The following CEP192 variants were observed in gnomAD, a reference collection of about 807,000 sequenced individuals.
CEP192 encodes the protein centrosomal protein 192.
In CEP192, 151 loss-of-function variants were observed where a neutral mutation model predicts 271.8. The observed-to-expected ratio is 0.56, with a 90% CI of 0.49 to 0.64. CEP192 has a LOEUF of 0.64. Among genes scored for constraint, CEP192 ranks in the 30% least tolerant of loss-of-function variants. The pLI, the probability that CEP192 is intolerant of heterozygous loss-of-function variation, is 0.00. For missense variants in CEP192, 2,910 were observed against 3,020.5 expected (o/e 0.96, Z 0.86); for synonymous variants, 995 against 1,076.5 (o/e 0.92, Z 1.48).
chr18:13,050,495 C>T (rs1300068313), intron 17 of CEP192, among the ~76,000 whole-genome samples: 1 of 152,110 alleles, frequency 6.6e-6, no homozygotes, highest in Non-Finnish European at 1.5e-5. Flanking sequence ...TTAGTTCCTT[C>T]TATGACTCCT....
chr18:13,097,248 A>G (rs111947130), intron 36 of CEP192, among the ~76,000 whole-genome samples: 13 of 152,228 alleles, frequency 8.5e-5, no homozygotes, highest in Middle Eastern at 3.4e-3. Context: ...GGGGAAGACA[A>G]TCTTGCCCTT....
At position 13,037,233 on chromosome 18, in the gene CEP192, T is replaced by G; in HGVS notation, c.1535-4T>G. ...ATGTATTTATATAAACATTCTTTTT[T>G]AAGCTGAAGCATTTGATTTGATTGC... On this transcript the variant is annotated splice_region_variant and splice_polypyrimidine_tract_variant and intron_variant, in intron 11 of 44. Coordinates refer to ENST00000506447, the MANE Select transcript of CEP192 (RefSeq NM_032142.4). The G allele has an allele frequency of 8.1e-7, 1 of 1,227,052 alleles. No homozygotes were observed. The highest frequency in any genetic ancestry group is 1.2e-6 in the Non-Finnish European group (1 of 855,228). 76.0% of individuals were successfully genotyped at this position (1,227,052 alleles called of 1,614,324 possible).
At chr18:13,019,924 T>C (rs1001881075) in intron 9 of CEP192, among the ~76,000 whole-genome samples, 1 of 152,052 alleles carries the variant, frequency 6.6e-6, no homozygotes, top group African/African-American at 2.4e-5. Context: ...GCAATTCTCC[T>C]GTCTCAGCCT....
chr18:13,078,438 G>A (rs1296935512), intron 30 of CEP192, among the ~76,000 whole-genome samples: 1 of 152,072 alleles, frequency 6.6e-6, no homozygotes, highest in Non-Finnish European at 1.5e-5. Context: ...AATCCTTTGG[G>A]TATATACCAA....
At chr18:13,046,800 A>G (rs2036505412) in intron 15 of CEP192, among the ~76,000 whole-genome samples, 1 of 145,602 alleles carries the variant, frequency 6.9e-6, no homozygotes, top group African/African-American at 2.5e-5. Context: ...TTCATCTGAG[A>G]TTAGTTTTCT....
At chr18:13,077,518 A>G (rs1199838926) in intron 30 of CEP192, among the ~76,000 whole-genome samples, 7 of 152,238 alleles carry the variant, frequency 4.6e-5, no homozygotes, top group African/African-American at 1.4e-4. Flanking sequence ...GAAAGTTTCC[A>G]GCAGGGTGAA....
intron 30 of CEP192, among the ~76,000 whole-genome samples, chr18:13,079,788 T>C (rs2038492618): frequency 6.6e-6 from 1 of 152,246 alleles, no homozygotes; most frequent in Admixed American, 6.5e-5. Context: ...TTTAAGTATT[T>C]AATCCATCTT....
At chr18:13,072,656 A>G (rs2038071346) in intron 28 of CEP192, 99 bp from the exon 29 acceptor site, 4 of 773,492 alleles carry the variant, frequency 5.2e-6, no homozygotes, top group South Asian at 1.6e-5. Flanking sequence ...TAGTTAGTCC[A>G]TCTCTAGACA....
intron 40 of CEP192, among the ~76,000 whole-genome samples, chr18:13,106,259 C>T (rs2039940370): frequency 6.6e-6 from 1 of 152,086 alleles, no homozygotes. Flanking sequence ...CCATCACCGT[C>T]TCCCACACAA....
Position 13,049,595 on chromosome 18 carries a change from G to C in CEP192, c.2804G>C (p.Arg935Thr). The stretch of plus-strand genomic sequence containing the variant: ...ATACGAGATAACAGAGAAAATCAGA[G>C]GCAAAATGAGTGTGTCAGTGAAATA... ...EEIRDNRENQ[R>T]QNECVSEISN... Residue 935 changes from arginine (R) to threonine (T), a missense_variant, in exon 16 of 45, where the codon AGG becomes ACG. Arg to Thr is a moderately conservative substitution (Grantham distance 71). Coordinates refer to ENST00000506447, the MANE Select transcript of CEP192 (RefSeq NM_032142.4). 1.2e-6 allele frequency: 2 copies of C among 1,613,816 alleles called. No homozygotes were observed. The highest frequency in any genetic ancestry group is 3.3e-5 in the Admixed American group (2 of 59,970).
chr18:13,119,756 A>G (rs2145148698), intron 44 of CEP192, among the ~76,000 whole-genome samples: 1 of 152,342 alleles, frequency 6.6e-6, no homozygotes, highest in African/African-American at 2.4e-5. Flanking sequence ...AAATAAGTAA[A>G]TAAATAAAAT....
rs373649651 is a variant in CEP192, at chr18:12,993,193, G to T, written c.-5+1756G>T. ...AGGAGGGATCAGGATGGTCCTAGGTGTCAGGCTTGTATTGCCAGTTAATAG... is the reference window on the plus strand; with the variant it reads ...AGGAGGGATCAGGATGGTCCTAGGTTTCAGGCTTGTATTGCCAGTTAATAG... On this transcript the variant is annotated intron_variant, in intron 1 of 44. Transcript: ENST00000506447. 3.1e-4 allele frequency among the ~76,000 whole-genome samples: 47 copies of T among 152,288 alleles called. 1 individual carries two copies. The South Asian group carries it at 9.5e-3, about 31-fold the overall frequency.
At position 13,056,521 on chromosome 18, in the gene CEP192, G is replaced by A. The variant is rs1394217484; in HGVS notation, c.3931G>A (p.Gly1311Arg). ...GEPVQNSVAV[G>R]ICLGSNIGSG... Reference sequence around the variant, plus strand: ...GCCTGTGCAGAACTCTGTGGCTGTGGGAATTTGTCTAGGATCAAATATCGG... The same window carrying A: ...GCCTGTGCAGAACTCTGTGGCTGTGAGAATTTGTCTAGGATCAAATATCGG... The change falls in exon 19 of 45, where the codon GGA becomes AGA. Residue 1311 changes from glycine (G) to arginine (R), a missense_variant. Gly to Arg is a moderately radical substitution (Grantham distance 125, BLOSUM62 -2). Coordinates refer to ENST00000506447, the MANE Select transcript of CEP192 (RefSeq NM_032142.4). The A allele has an allele frequency of 6.2e-7, 1 of 1,614,190 alleles. No individual in the cohort carries two copies. Among genetic ancestry groups the A allele is most frequent in the Non-Finnish European group, 8.5e-7 (1 of 1,180,046 alleles).
chr18:13,030,484 T>G lies in CEP192; in HGVS notation c.1410T>G (p.Ser470Arg). The G allele has an allele frequency of 6.2e-7, 1 of 1,609,446 alleles. No individual in the cohort carries two copies. Among genetic ancestry groups the G allele is most frequent in the Non-Finnish European group, 8.5e-7 (1 of 1,177,522 alleles). ...TTTTAGAAACAGATCTCCCACAGAG[T>G]GTGGTCTATCAAAATGAAGAGGGTA... ...KNKDKTDLPQSVVYQNEEGRW... is the reference protein window; with the variant it reads ...KNKDKTDLPQRVVYQNEEGRW... The change falls in exon 11 of 45, where the codon AGT (serine) becomes AGG (arginine). Residue 470 changes from serine to arginine, a missense_variant. Ser to Arg is a moderately radical substitution (Grantham distance 110). Coordinates refer to ENST00000506447, the MANE Select transcript of CEP192 (RefSeq NM_032142.4).
At chr18:13,061,330 ATAAAGT>A (rs1331612039) in intron 21 of CEP192, among the ~76,000 whole-genome samples, 2 of 152,246 alleles carry the variant, frequency 1.3e-5, no homozygotes, top group African/African-American at 4.8e-5. Context: ...CTGAAAAAAA[ATAAAGT>A]TAATTAGTTT....
chr18:13,073,398 C>G (rs1310365806), intron 30 of CEP192, among the ~76,000 whole-genome samples: 1 of 152,142 alleles, frequency 6.6e-6, no homozygotes, highest in Non-Finnish European at 1.5e-5. Context: ...ATTAGTCTTT[C>G]TAATGCTTTT....
At chr18:13,014,701 C>T (rs1216806137) in intron 5 of CEP192, among the ~76,000 whole-genome samples, 1 of 152,152 alleles carries the variant, frequency 6.6e-6, no homozygotes, top group Non-Finnish European at 1.5e-5. Flanking sequence ...GCACTGTCCT[C>T]TCTAAATGTA....
chr18:13,037,344 G>C (rs754185440), intron 12 of CEP192, 43 bp downstream of exon 12: 1 of 823,598 alleles, frequency 1.2e-6, no homozygotes, highest in South Asian at 1.5e-5. Flanking sequence ...AATTTTTCCT[G>C]TATTAGTGTA....
At chr18:13,035,420 G>GA (rs1228994881) in intron 11 of CEP192, among the ~76,000 whole-genome samples, 3 of 152,220 alleles carry the variant, frequency 2.0e-5, no homozygotes, top group African/African-American at 7.2e-5. Flanking sequence ...GGCAGCAAGA[G>GA]AAAAAATGAG....
Sources: allele counts gnomAD v4.1 joint callset (sites outside exome capture counted in the v4.1 genomes callset), GRCh38; gene constraint gnomAD v4.1.1; transcripts MANE v1.5; gene names NCBI Gene and HGNC (gene_info 2026-07-23, HGNC 2026-07-21).